Variants in STK32B observed in about 807,000 individuals in gnomAD.
STK32B encodes the protein serine/threonine kinase 32B.
In STK32B, 43 loss-of-function variants were observed where a neutral mutation model predicts 52.6. That is an observed-to-expected ratio of 0.82 (90% CI 0.64 to 1.05). STK32B has a LOEUF of 1.05. Ranked by LOEUF, STK32B falls within the 50% of genes least tolerant of loss-of-function variation. STK32B has a pLI of 0.00. For missense variants in STK32B, 621 were observed against 534.6 expected (o/e 1.16, Z -1.59); for synonymous variants, 238 against 204.3 (o/e 1.17, Z -1.41).
chr4:5,248,620 T>C lies in STK32B; in HGVS notation c.260+80170T>C, dbSNP rs80122401. Among the ~76,000 whole-genome samples, 680 of 152,188 alleles carry C rather than the reference T, an allele frequency of 4.5e-3. 2 individuals are homozygous for C. Among genetic ancestry groups the C allele is most frequent in the African/African-American group, 0.015 (621 of 41,516 alleles). On this transcript the variant is annotated intron_variant, in intron 3 of 11. Transcript: ENST00000282908. ...CTTATTTTAGAGGTTTCCCAAAAGT[T>C]GAATATAAAGATACTGTGCCTTACT...
chr4:5,472,988 A>G (rs1432034837), intron 11 of STK32B, among the ~76,000 whole-genome samples: 1 of 152,046 alleles, frequency 6.6e-6, no homozygotes, highest in Admixed American at 6.6e-5. Context: ...ACAATCAAAA[A>G]TGTCTCCAGA....
chr4:5,428,229 AAC>A (rs1713260685), intron 6 of STK32B, among the ~76,000 whole-genome samples: 5 of 152,146 alleles, frequency 3.3e-5, no homozygotes, highest in Admixed American at 3.3e-4. Flanking sequence ...AACACAGTGA[AAC>A]CCCGTCTCTA....
At chr4:5,481,993 T>A (rs1050878580) in intron 11 of STK32B, among the ~76,000 whole-genome samples, 1 of 152,240 alleles carries the variant, frequency 6.6e-6, no homozygotes. Context: ...TGTAGTCTTG[T>A]AGTACAGTTT....
chr4:5,241,076 T>C (rs911112200), intron 3 of STK32B, among the ~76,000 whole-genome samples: 1 of 152,222 alleles, frequency 6.6e-6, no homozygotes, highest in African/African-American at 2.4e-5. Context: ...TAAAATTATA[T>C]CATAGTTTTT....
At chr4:5,133,797 C>T (rs1269653202) in intron 1 of STK32B, among the ~76,000 whole-genome samples, 1 of 152,154 alleles carries the variant, frequency 6.6e-6, no homozygotes. Flanking sequence ...TCAGTGGCTT[C>T]TGTTTACTGA....
intron 3 of STK32B, among the ~76,000 whole-genome samples, chr4:5,261,005 C>T (rs143953563): frequency 1.3e-5 from 2 of 152,252 alleles, no homozygotes; most frequent in East Asian, 3.9e-4. Flanking sequence ...CAGCCAATCA[C>T]TGTGGGCTGC....
intron 1 of STK32B, among the ~76,000 whole-genome samples, chr4:5,115,346 A>T (rs1714655580): frequency 6.6e-6 from 1 of 152,198 alleles, no homozygotes; most frequent in South Asian, 2.1e-4. Flanking sequence ...CCTGAAAAAA[A>T]AGTCAGAGTT....
At chr4:5,083,289 A>G (rs1712537936) in intron 1 of STK32B, among the ~76,000 whole-genome samples, 1 of 152,064 alleles carries the variant, frequency 6.6e-6, no homozygotes, top group Admixed American at 6.6e-5. Flanking sequence ...TCTTTGGTTC[A>G]TGTTGTTTGG....
chr4:5,057,615 A>C (rs1386207583), intron 1 of STK32B, among the ~76,000 whole-genome samples: 1 of 152,164 alleles, frequency 6.6e-6, no homozygotes, highest in African/African-American at 2.4e-5. Context: ...AATAGGTGTT[A>C]GGATAGAGGG....
chr4:5,092,812 C>T (rs1046874960), intron 1 of STK32B, among the ~76,000 whole-genome samples: 6 of 152,080 alleles, frequency 3.9e-5, no homozygotes, highest in African/African-American at 9.7e-5. Flanking sequence ...CAATCACCTC[C>T]CACCCGGTCA....
the STK32B span, among the ~76,000 whole-genome samples, chr4:5,039,700 T>C: frequency 3.2e-3 from 490 of 152,328 alleles, 1 homozygote; most frequent in Admixed American, 7.5e-3. Flanking sequence ...AATTCTATGA[T>C]TGACAGTGCA....
intron 3 of STK32B, among the ~76,000 whole-genome samples, chr4:5,300,257 A>T (rs943469567): frequency 6.6e-6 from 1 of 152,164 alleles, no homozygotes; most frequent in Non-Finnish European, 1.5e-5. Context: ...ACCCTCAACT[A>T]ACTAGCCATT....
intron 1 of STK32B, among the ~76,000 whole-genome samples, chr4:5,116,174 G>A (rs768025682): frequency 2.0e-5 from 3 of 149,778 alleles, no homozygotes; most frequent in Non-Finnish European, 4.4e-5. Context: ...AGATGTGTGT[G>A]TGCATGCACG....
At chr4:5,494,268 T>C (rs1463311474) in intron 11 of STK32B, among the ~76,000 whole-genome samples, 3 of 152,188 alleles carry the variant, frequency 2.0e-5, no homozygotes, top group Non-Finnish European at 4.4e-5. Context: ...TGCTCCTGTA[T>C]TGGGTGCACA....
At chr4:5,429,433 A>G (rs1713373814) in intron 6 of STK32B, among the ~76,000 whole-genome samples, 1 of 151,990 alleles carries the variant, frequency 6.6e-6, no homozygotes, top group African/African-American at 2.4e-5. Context: ...CCATTGGCTT[A>G]GTTTTTATAC....
At chr4:5,441,899 T>G (rs1560415036) in intron 6 of STK32B, among the ~76,000 whole-genome samples, 1 of 135,318 alleles carries the variant, frequency 7.4e-6, no homozygotes, top group African/African-American at 2.8e-5. Context: ...TCAGTTTCCA[T>G]GTAGTTGAGC....
intron 4 of STK32B, among the ~76,000 whole-genome samples, chr4:5,389,277 A>G (rs1336376542): frequency 6.6e-6 from 1 of 152,206 alleles, no homozygotes; most frequent in African/African-American, 2.4e-5. Context: ...AAGGGTAACA[A>G]TACTGCCTAC....
At chr4:5,141,429 T>TG (rs1716443722) in intron 2 of STK32B, among the ~76,000 whole-genome samples, 1 of 151,976 alleles carries the variant, frequency 6.6e-6, no homozygotes, top group Admixed American at 6.6e-5. Flanking sequence ...TGGTGCAAGG[T>TG]GAGGTCAGTG....
intron 3 of STK32B, among the ~76,000 whole-genome samples, chr4:5,205,693 G>GGCGCGCGCGCGCGC (rs141563923): frequency 1.5e-5 from 1 of 68,148 alleles, no homozygotes; most frequent in African/African-American, 3.2e-5. Flanking sequence ...TTCTAGACCA[G>GGCGCGCGCGCGCGC]GCGCGCGCGC....
Sources: gnomAD v4.1 joint callset for allele counts (sites outside exome capture counted in the v4.1 genomes callset) on GRCh38, gnomAD v4.1.1 for gene constraint, MANE v1.5 for transcripts, NCBI Gene and HGNC (gene_info 2026-07-23, HGNC 2026-07-21) for gene names.